TYW1B: variants seen among roughly 807,000 people sequenced by gnomAD.
TYW1B encodes tRNA-yW synthesizing protein 1 homolog B.
Under a neutral mutation model 86.9 loss-of-function variants are expected in TYW1B, and 73 were observed. The ratio of observed to expected loss-of-function variants is 0.84; its 90% CI spans 0.70 to 1.02. TYW1B has a LOEUF of 1.02. TYW1B is among the 50% of genes least tolerant of loss of function. The pLI, the probability that TYW1B is intolerant of heterozygous loss-of-function variation, is 0.00. For missense variants in TYW1B, 637 were observed against 827.4 expected (o/e 0.77, Z 2.82); for synonymous variants, 248 against 292.8 (o/e 0.85, Z 1.56).
intron 5 of TYW1B, among the ~76,000 whole-genome samples, chr7:72,804,295 A>AG (rs1307571271): frequency 7.9e-5 from 12 of 151,988 alleles, no homozygotes; most frequent in African/African-American, 2.9e-4. Flanking sequence ...AAAAAAAAAA[A>AG]AAAAGAAAAA....
At chr7:72,758,402 C>G (rs1203875775) in intron 7 of TYW1B, among the ~76,000 whole-genome samples, 1 of 151,920 alleles carries the variant, frequency 6.6e-6, no homozygotes, top group Admixed American at 6.6e-5. Flanking sequence ...ATTATGTTCC[C>G]ATTGCTATGT....
intron 7 of TYW1B, among the ~76,000 whole-genome samples, chr7:72,771,030 T>C (rs1405855118): frequency 2.1e-5 from 3 of 145,604 alleles, no homozygotes; most frequent in African/African-American, 7.7e-5. Flanking sequence ...TGGCACGATC[T>C]GGGCTCACTG....
intron 11 of TYW1B, among the ~76,000 whole-genome samples, chr7:72,656,147 T>C (rs1447111819): frequency 6.6e-6 from 1 of 152,074 alleles, no homozygotes; most frequent in East Asian, 1.9e-4. Context: ...AGCAAAGCCC[T>C]ACCACAGCCT....
intron 8 of TYW1B, among the ~76,000 whole-genome samples, chr7:72,738,664 CAA>C (rs1554461479): frequency 6.6e-6 from 1 of 152,084 alleles, no homozygotes; most frequent in Non-Finnish European, 1.5e-5. Context: ...CAAGAAATAG[CAA>C]TTTTGCCCCC....
intron 13 of TYW1B, among the ~76,000 whole-genome samples, chr7:72,611,770 T>C (rs1585846877): frequency 6.6e-6 from 1 of 152,114 alleles, no homozygotes; most frequent in South Asian, 2.1e-4. Context: ...ACAAACATTA[T>C]AGAGAATAAT....
chr7:72,624,990 C>T (rs1265673920), intron 12 of TYW1B, among the ~76,000 whole-genome samples: 26 of 150,566 alleles, frequency 1.7e-4, no homozygotes, highest in African/African-American at 5.4e-4. Flanking sequence ...ACCCAGGAGG[C>T]GGAGGTTGCA....
intron 7 of TYW1B, among the ~76,000 whole-genome samples, chr7:72,755,146 A>G (rs1479422789): frequency 6.6e-6 from 1 of 152,216 alleles, no homozygotes. Context: ...GGCGGGGCAC[A>G]GTGGCTCACA....
intron 11 of TYW1B, among the ~76,000 whole-genome samples, chr7:72,659,253 T>G: frequency 6.6e-6 from 1 of 152,194 alleles, no homozygotes; most frequent in East Asian, 1.9e-4. Context: ...AGCTCAGTTG[T>G]GTTCCTTTAG....
intron 11 of TYW1B, among the ~76,000 whole-genome samples, chr7:72,649,828 C>A (rs1813017522): frequency 6.6e-6 from 1 of 152,180 alleles, no homozygotes; most frequent in African/African-American, 2.4e-5. Flanking sequence ...AATATTACAG[C>A]AAATACTCCC....
chr7:72,781,736 A>G (rs1415050632), intron 6 of TYW1B, among the ~76,000 whole-genome samples: 3 of 152,086 alleles, frequency 2.0e-5, no homozygotes, highest in Admixed American at 2.0e-4. Context: ...CCTGTCTCCA[A>G]CCTCTACTTC....
At chr7:72,593,691 G>A (rs1408351784) in intron 13 of TYW1B, among the ~76,000 whole-genome samples, 19 of 151,242 alleles carry the variant, frequency 1.3e-4, no homozygotes, top group East Asian at 5.9e-4. Flanking sequence ...GCATGGTGGC[G>A]GGCGCCTGTA....
chr7:72,722,738 C>T (rs1786926926), intron 9 of TYW1B: 2 of 285,424 alleles, frequency 7.0e-6, no homozygotes, highest in African/African-American at 4.4e-5. Flanking sequence ...AGACAATAAG[C>T]AACAATCCCC....
At chr7:72,706,117 G>T (rs1444622145) in intron 10 of TYW1B, among the ~76,000 whole-genome samples, 2 of 152,194 alleles carry the variant, frequency 1.3e-5, no homozygotes, top group Non-Finnish European at 2.9e-5. Flanking sequence ...AATGCGGATT[G>T]CATATGAAAC....
At chr7:72,637,124 CA>C (rs1370055568) in intron 11 of TYW1B, among the ~76,000 whole-genome samples, 2 of 150,928 alleles carry the variant, frequency 1.3e-5, no homozygotes, top group African/African-American at 4.9e-5. Context: ...AACTCCATCT[CA>C]AAAAAAAATT....
intron 9 of TYW1B, among the ~76,000 whole-genome samples, chr7:72,715,546 C>T (rs1382713718): frequency 5.3e-5 from 8 of 151,924 alleles, no homozygotes; most frequent in African/African-American, 1.7e-4. Flanking sequence ...CCTAAGAACA[C>T]ATGAACACAT....
At chr7:72,715,811 G>C (rs1329854394) in intron 9 of TYW1B, among the ~76,000 whole-genome samples, 1 of 151,996 alleles carries the variant, frequency 6.6e-6, no homozygotes, top group East Asian at 1.9e-4. Flanking sequence ...ATGATTTCTA[G>C]GTTCCTTTTG....
At chr7:72,740,356 C>T (rs1787281150) in intron 8 of TYW1B, among the ~76,000 whole-genome samples, 1 of 151,576 alleles carries the variant, frequency 6.6e-6, no homozygotes, top group Non-Finnish European at 1.5e-5. Flanking sequence ...GCCAAGATTC[C>T]ACCACTGTAC....
chr7:72,657,914 T>G (rs1326344346), intron 11 of TYW1B, among the ~76,000 whole-genome samples: 1 of 152,184 alleles, frequency 6.6e-6, no homozygotes, highest in Non-Finnish European at 1.5e-5. Flanking sequence ...AAAATAAAAG[T>G]ATGCTCAACT....
chr7:72,674,554 G>T (rs1199960165), intron 11 of TYW1B, among the ~76,000 whole-genome samples: 1 of 151,866 alleles, frequency 6.6e-6, no homozygotes, highest in Non-Finnish European at 1.5e-5. Context: ...TAGAGAAGCT[G>T]TAATGCTCAG....
Sources: allele counts gnomAD v4.1 joint callset (sites outside exome capture counted in the v4.1 genomes callset), GRCh38; gene constraint gnomAD v4.1.1; transcripts MANE v1.5; gene names NCBI Gene and HGNC (gene_info 2026-07-23, HGNC 2026-07-21).